The following HPD variants were observed in gnomAD, a reference collection of about 807,000 sequenced individuals.
HPD encodes the protein 4-hydroxyphenylpyruvic acid oxidase.
In HPD, 35 loss-of-function variants were observed where a neutral mutation model predicts 56.9. The ratio of observed to expected loss-of-function variants is 0.62; its 90% CI spans 0.47 to 0.82. HPD has a LOEUF of 0.82. Among genes scored for constraint, HPD ranks in the 40% least tolerant of loss-of-function variants. The pLI, the probability that HPD is intolerant of heterozygous loss-of-function variation, is 0.00. For missense variants in HPD, 442 were observed against 506.8 expected (o/e 0.87, Z 1.23); for synonymous variants, 186 against 200.2 (o/e 0.93, Z 0.60).
chr12:121,849,640 C>T (rs1461185741), intron 8 of HPD, 47 bp downstream of exon 8: 3 of 1,243,218 alleles, frequency 2.4e-6, no homozygotes, highest in Non-Finnish European at 3.6e-6. Flanking sequence ...TTACTTTTCA[C>T]AGTCCCTCAG....
chr12:121,844,919 T>C (rs922661173), intron 11 of HPD, among the ~76,000 whole-genome samples: 2 of 148,946 alleles, frequency 1.3e-5, no homozygotes, highest in Non-Finnish European at 3.0e-5. Flanking sequence ...AAAATAAAAA[T>C]AAAATACAAA....
At chr12:121,853,223 T>C (rs1297074274) in intron 7 of HPD, among the ~76,000 whole-genome samples, 1 of 152,058 alleles carries the variant, frequency 6.6e-6, no homozygotes, top group Non-Finnish European at 1.5e-5. Context: ...AGCTAACAGA[T>C]GCCGGGCTTA....
upstream of HPD, among the ~76,000 whole-genome samples, chr12:121,865,136 C>T (rs1014824076): frequency 2.0e-5 from 3 of 151,912 alleles, no homozygotes; most frequent in Non-Finnish European, 4.4e-5. Context: ...GGCATGATGG[C>T]GGGCACCCGT....
rs762217918 is a variant in HPD at position 121,839,815 on chromosome 12, G to A, written c.1095C>T (p.Asn365=). ...NHQGFGAGNF[N]SLFKAFEEEQ... ...CCTCCTCGAAAGCCTTGAACAGTGA[G>A]TTGAAGTTGCCGGCTCCAAAACCCT... Residue 365 remains asparagine, a synonymous_variant, in exon 14 of 14, where the codon AAC becomes AAT. Transcript: ENST00000289004. 1.9e-6 allele frequency: 3 copies of A among 1,614,080 alleles called. No homozygotes were observed. The highest frequency in any genetic ancestry group is 2.7e-5 in the African/African-American group (2 of 74,936).
At chr12:121,843,017 AT>A (rs1877460071) in intron 12 of HPD, among the ~76,000 whole-genome samples, 1 of 152,138 alleles carries the variant, frequency 6.6e-6, no homozygotes, top group Admixed American at 6.5e-5. Flanking sequence ...AAGTACTGAG[AT>A]TACAAGCATG....
chr12:121,839,621 C>T lies in HPD; in HGVS notation c.*107G>A, dbSNP rs1877335765. The T allele has an allele frequency of 1.2e-6, 1 of 839,900 alleles. No homozygotes were observed. Among genetic ancestry groups the T allele is most frequent in the African/African-American group, 1.7e-5 (1 of 60,236 alleles). The allele number at this position is 839,900 out of a possible 1,614,324, so 52.0% of individuals were successfully genotyped here. ...GTGGGCGGAGCCTTGGGGGCCGAGT[C>T]CGCTGGTGGGCGGGACCCAAGGGGA... On this transcript the variant is annotated 3_prime_UTR_variant, in exon 14 of 14. Coordinates refer to ENST00000289004, the MANE Select transcript of HPD (RefSeq NM_002150.3).
the HPD span, among the ~76,000 whole-genome samples, chr12:121,875,123 A>C: frequency 6.6e-6 from 1 of 152,226 alleles, no homozygotes; most frequent in Admixed American, 6.5e-5. Context: ...CCATATGGTA[A>C]ATATTTCTGC....
rs756810403 is a variant in HPD, at chr12:121,846,909, C to G, written c.784G>C (p.Ala262Pro). The G allele has an allele frequency of 3.7e-6, 6 of 1,614,128 alleles. No individual in the cohort carries two copies. In the South Asian group the frequency reaches 5.5e-5, roughly 15 times the overall value. ...TTGAGAGCGATGTGCTGGACCCCAG[C>G]GCCCCCGTTATAGTCCACATATTCC... ...IQEYVDYNGG[A>P]GVQHIALKTE... The change falls in exon 11 of 14, where the codon GCT becomes CCT. Residue 262 changes from alanine to proline, a missense_variant. Ala to Pro is a conservative substitution (Grantham distance 27, BLOSUM62 -1). Transcript: ENST00000289004.
At position 121,856,550 on chromosome 12, in the gene HPD, G is replaced by A. The variant is rs1000199445; in HGVS notation, c.241+33C>T. Reference sequence around the variant, plus strand: ...TCCCAGAACCCAGATCCCACCCACAGAGCCATGCGTCCACCCTCCCCGGGC... The same window carrying A: ...TCCCAGAACCCAGATCCCACCCACAAAGCCATGCGTCCACCCTCCCCGGGC... On this transcript the variant is annotated intron_variant, in intron 5 of 13. Transcript: ENST00000289004. 6 of 1,612,696 alleles carry A rather than the reference G, an allele frequency of 3.7e-6. No homozygotes were observed. In the African/African-American group the frequency reaches 6.7e-5, roughly 18 times the overall value.
intron 7 of HPD, among the ~76,000 whole-genome samples, chr12:121,850,196 T>C (rs975520013): frequency 2.6e-5 from 4 of 151,684 alleles, no homozygotes; most frequent in African/African-American, 9.7e-5. Context: ...CCAAGGCGGG[T>C]GGATCATGAG....
upstream of HPD, among the ~76,000 whole-genome samples, chr12:121,868,175 C>G (rs927924731): frequency 1.3e-5 from 2 of 152,112 alleles, no homozygotes; most frequent in Admixed American, 6.6e-5. Flanking sequence ...CAGCGAGACC[C>G]TGTTCCCAAA....
chr12:121,885,945 C>T, the HPD span, among the ~76,000 whole-genome samples: 2 of 151,388 alleles, frequency 1.3e-5, no homozygotes, highest in African/African-American at 2.4e-5. Flanking sequence ...GGCAACAGAG[C>T]CACCACGCCC....
At chr12:121,873,918 G>T in the HPD span, among the ~76,000 whole-genome samples, 1 of 152,164 alleles carries the variant, frequency 6.6e-6, no homozygotes, top group African/African-American at 2.4e-5. Flanking sequence ...AGGAGTTCAA[G>T]GCTGCAGTGG....
chr12:121,869,778 G>T, the HPD span, among the ~76,000 whole-genome samples: 1 of 152,094 alleles, frequency 6.6e-6, no homozygotes, highest in Non-Finnish European at 1.5e-5. Flanking sequence ...ACCCACCTTG[G>T]CCTCCCAAAG....
At chr12:121,879,823 G>C in the HPD span, among the ~76,000 whole-genome samples, 1 of 152,028 alleles carries the variant, frequency 6.6e-6, no homozygotes, top group South Asian at 2.1e-4. Context: ...TGTTCACCTG[G>C]TGTGTGTATA....
At chr12:121,873,408 G>A in the HPD span, among the ~76,000 whole-genome samples, 1 of 152,226 alleles carries the variant, frequency 6.6e-6, no homozygotes, top group Admixed American at 6.5e-5. Flanking sequence ...TCTGACCAGT[G>A]AGTCTGTCTC....
the HPD span, among the ~76,000 whole-genome samples, chr12:121,883,226 GTGTGTGT>G: frequency 1.4e-5 from 2 of 138,218 alleles, no homozygotes; most frequent in Admixed American, 7.1e-5. Flanking sequence ...GTGTGTGTGT[GTGTGTGT>G]GTGGTGGGGT....
upstream of HPD, among the ~76,000 whole-genome samples, chr12:121,866,310 A>C (rs944621445): frequency 1.3e-5 from 2 of 151,950 alleles, no homozygotes; most frequent in Non-Finnish European, 2.9e-5. Flanking sequence ...CAAAAAAAAA[A>C]AAAAAAGAAT....
rs778059929 is a variant in HPD at position 121,840,021 on chromosome 12, C to T, written c.982G>A (p.Glu328Lys). ...AAGATCTGCAGGAGGTAGCCTTTCT[C>T]GTCGTAGTCCACCAGGATTTTCAGC... ...EELKILVDYDEKGYLLQIFTK... is the reference protein window; with the variant it reads ...EELKILVDYDKKGYLLQIFTK... The change falls in exon 13 of 14, where the codon GAG becomes AAG. Residue 328 changes from glutamate to lysine, a missense_variant. Physicochemically the swap from Glu to Lys is moderately conservative, Grantham distance 56. Transcript: ENST00000289004. 7 of 1,613,470 alleles carry T rather than the reference C, an allele frequency of 4.3e-6. No homozygotes were observed. The African/African-American group carries it at 9.4e-5, about 22-fold the overall frequency.
Sources: gnomAD v4.1 joint callset for allele counts (sites outside exome capture counted in the v4.1 genomes callset) on GRCh38, gnomAD v4.1.1 for gene constraint, MANE v1.5 for transcripts, NCBI Gene and HGNC (gene_info 2026-07-23, HGNC 2026-07-21) for gene names.